The following DLGAP2 variants were observed in gnomAD, a reference collection of about 807,000 sequenced individuals.
DLGAP2 encodes the protein disks large-associated protein 2.
DLGAP2 carries 26 observed loss-of-function variants against 100.3 expected under a neutral mutation model. The observed-to-expected ratio is 0.26, with a 90% CI of 0.19 to 0.36. The LOEUF (loss-of-function observed/expected upper bound fraction) is 0.36. DLGAP2 is among the 10% of genes least tolerant of loss of function. DLGAP2 has a pLI of 1.00. For synonymous variants in DLGAP2, 886 were observed against 630.1 expected (o/e 1.41, Z -6.08); for missense variants, 1,858 against 1,453.2 (o/e 1.28, Z -4.53).
At chr8:933,700 G>A (rs527725030) in intron 2 of DLGAP2, among the ~76,000 whole-genome samples, 2 of 81,580 alleles carry the variant, frequency 2.5e-5, no homozygotes, top group South Asian at 6.6e-4. Context: ...CACAAGGGGA[G>A]GGTGAGGGCA....
intron 2 of DLGAP2, among the ~76,000 whole-genome samples, chr8:1,061,269 T>A (rs1803073439): frequency 6.6e-6 from 1 of 152,144 alleles, no homozygotes. Context: ...GAAGATTTTA[T>A]GATGAAAATA....
chr8:1,313,167 C>T (rs1800652397), intron 3 of DLGAP2, among the ~76,000 whole-genome samples: 2 of 152,166 alleles, frequency 1.3e-5, no homozygotes, highest in South Asian at 4.1e-4. Context: ...CATAGAACAT[C>T]ACTGTAAAAC....
chr8:1,005,010 T>C (rs1007323678), intron 2 of DLGAP2, among the ~76,000 whole-genome samples: 2 of 152,144 alleles, frequency 1.3e-5, no homozygotes, highest in African/African-American at 4.8e-5. Flanking sequence ...GTGTAGTGGT[T>C]GAATGAGATG....
chr8:740,070 G>C (rs918741450), intron 1 of DLGAP2: 1 of 152,236 alleles, frequency 6.6e-6, no homozygotes, highest in African/African-American at 2.4e-5. Flanking sequence ...GTGTTCTTGG[G>C]TAAGCAGTGG....
chr8:1,455,023 T>G (rs1203632121), intron 3 of DLGAP2, among the ~76,000 whole-genome samples: 1 of 150,948 alleles, frequency 6.6e-6, no homozygotes, highest in African/African-American at 2.4e-5. Context: ...AGCTACATCT[T>G]GGGGGTCTGG....
At chr8:1,208,697 C>G (rs1037783121) in intron 2 of DLGAP2, among the ~76,000 whole-genome samples, 1 of 151,972 alleles carries the variant, frequency 6.6e-6, no homozygotes, top group African/African-American at 2.4e-5. Flanking sequence ...TGTTGCAGTT[C>G]ACTGATGATA....
chr8:928,358 G>A (rs1798864983), intron 2 of DLGAP2, among the ~76,000 whole-genome samples: 1 of 152,124 alleles, frequency 6.6e-6, no homozygotes, highest in African/African-American at 2.4e-5. Context: ...TAGGTGTCCT[G>A]GTCGGGGATT....
At chr8:1,110,342 ATG>A (rs1200897898) in intron 2 of DLGAP2, among the ~76,000 whole-genome samples, 2 of 69,680 alleles carry the variant, frequency 2.9e-5, no homozygotes, top group South Asian at 5.0e-4. Context: ...GGTCTGTGAC[ATG>A]TGCTGGGTCT....
intron 3 of DLGAP2, among the ~76,000 whole-genome samples, chr8:1,316,463 C>CG (rs1800752548): frequency 7.8e-6 from 1 of 127,408 alleles, no homozygotes; most frequent in Non-Finnish European, 1.7e-5. Flanking sequence ...AACTCGGCAG[C>CG]TTTTAAAAAT....
At chr8:1,464,870 G>C (rs1263491355) in intron 3 of DLGAP2, among the ~76,000 whole-genome samples, 1 of 152,206 alleles carries the variant, frequency 6.6e-6, no homozygotes, top group Admixed American at 6.5e-5. Context: ...AGTTTCAGAG[G>C]AGGACATAGA....
chr8:1,391,775 C>A (rs1048426425), intron 3 of DLGAP2, among the ~76,000 whole-genome samples: 1 of 152,240 alleles, frequency 6.6e-6, no homozygotes, highest in Non-Finnish European at 1.5e-5. Context: ...GAAGAAAACA[C>A]CCTTTCTCAA....
intron 1 of DLGAP2, among the ~76,000 whole-genome samples, chr8:824,008 C>G (rs886724618): frequency 3.3e-5 from 5 of 151,924 alleles, no homozygotes; most frequent in Admixed American, 6.6e-5. Context: ...CGAAAGGATC[C>G]TGGGACAACA....
chr8:1,012,454 C>T (rs1027256677), intron 2 of DLGAP2, among the ~76,000 whole-genome samples: 1 of 152,232 alleles, frequency 6.6e-6, no homozygotes, highest in East Asian at 1.9e-4. Flanking sequence ...GCTGCCTCTG[C>T]GGGAACTTCC....
At chr8:1,580,805 TAAACTAC>T (rs1803209422) in intron 6 of DLGAP2, among the ~76,000 whole-genome samples, 1 of 60,672 alleles carries the variant, frequency 1.6e-5, no homozygotes, top group Non-Finnish European at 3.3e-5. Flanking sequence ...CACACCACAG[TAAACTAC>T]CAGAAGTGAA....
intron 1 of DLGAP2, among the ~76,000 whole-genome samples, chr8:800,682 GTATGTGCA>G (rs1294216924): frequency 6.6e-6 from 1 of 152,156 alleles, no homozygotes; most frequent in African/African-American, 2.4e-5. Flanking sequence ...ACATGTATGT[GTATGTGCA>G]TGTGTGCATG....
chr8:1,256,517 GTGTGCC>G (rs1460142170), intron 2 of DLGAP2, among the ~76,000 whole-genome samples: 129 of 143,092 alleles, frequency 9.0e-4, no homozygotes, highest in African/African-American at 2.8e-3. Context: ...GGTGCTGTGT[GTGTGCC>G]CGTCTCATCC....
intron 3 of DLGAP2, among the ~76,000 whole-genome samples, chr8:1,292,954 C>T (rs1021747921): frequency 5.9e-5 from 9 of 152,170 alleles, no homozygotes; most frequent in African/African-American, 9.7e-5. Context: ...GGACCCTGGG[C>T]GTGTCCGTCT....
Position 845,146 on chromosome 8 carries a change from T to A in DLGAP2, c.19-62766T>A, listed in dbSNP as rs568995190. 1.2e-4 allele frequency among the ~76,000 whole-genome samples: 18 copies of A among 152,354 alleles called. No homozygotes were observed. In the South Asian group the frequency reaches 3.5e-3, roughly 30 times the overall value. On this transcript the variant is annotated intron_variant, in intron 1 of 14. Transcript: ENST00000637795. ...GCATATTTGTGCACAACTTTTTGCG[T>A]GAACATATGTCTTTATTTCTCTTGG... is the stretch of plus-strand genomic sequence containing the variant.
At chr8:1,280,437 T>G (rs531148232) in intron 3 of DLGAP2, among the ~76,000 whole-genome samples, 1 of 152,326 alleles carries the variant, frequency 6.6e-6, no homozygotes, top group East Asian at 1.9e-4. Context: ...TTTCCCTGTA[T>G]CAGAAAAATA....
Sources: allele counts gnomAD v4.1 joint callset (sites outside exome capture counted in the v4.1 genomes callset), GRCh38; gene constraint gnomAD v4.1.1; transcripts MANE v1.5; gene names NCBI Gene and HGNC (gene_info 2026-07-23, HGNC 2026-07-21).